SASH1: variants seen among roughly 807,000 people sequenced by gnomAD.
The protein encoded by SASH1 is SAM and SH3 domain containing 1, also known as SAM and SH3 domain-containing protein 1.
Under a neutral mutation model 125.2 loss-of-function variants are expected in SASH1, and 44 were observed. The ratio of observed to expected loss-of-function variants is 0.35; its 90% CI spans 0.28 to 0.45. The LOEUF (loss-of-function observed/expected upper bound fraction) is 0.45. Among genes scored for constraint, SASH1 ranks in the 20% least tolerant of loss-of-function variants. SASH1 has a pLI of 1.00. For missense variants in SASH1, 1,426 were observed against 1,614.5 expected (o/e 0.88, Z 2.00); for synonymous variants, 639 against 649.1 (o/e 0.98, Z 0.24).
chr6:148,276,406 G>A (rs1445386195), intron 1 of SASH1, among the ~76,000 whole-genome samples: 1 of 152,120 alleles, frequency 6.6e-6, no homozygotes, highest in Non-Finnish European at 1.5e-5. Flanking sequence ...TTCAGTTTGA[G>A]GCAGCATGTC....
At chr6:148,498,284 A>C (rs1779402525) in intron 8 of SASH1, among the ~76,000 whole-genome samples, 1 of 151,920 alleles carries the variant, frequency 6.6e-6, no homozygotes, top group Admixed American at 6.6e-5. Flanking sequence ...AGTAGTGTGC[A>C]TCTGTAGTCC....
At chr6:148,329,571 T>C (rs147586285) in intron 1 of SASH1, among the ~76,000 whole-genome samples, 218 of 152,330 alleles carry the variant, frequency 1.4e-3, no homozygotes, top group African/African-American at 4.7e-3. Flanking sequence ...CATTTATTTA[T>C]ATCTTCAATT....
intron 4 of SASH1, among the ~76,000 whole-genome samples, chr6:148,447,405 GT>G (rs1776846805): frequency 6.6e-6 from 1 of 152,172 alleles, no homozygotes; most frequent in African/African-American, 2.4e-5. Context: ...TCGCTCTCAG[GT>G]ATGTTTTATC....
intron 1 of SASH1, among the ~76,000 whole-genome samples, chr6:148,285,568 T>A (rs1779461163): frequency 6.6e-6 from 1 of 152,200 alleles, no homozygotes; most frequent in Non-Finnish European, 1.5e-5. Flanking sequence ...GTTTTGGTTT[T>A]TTTTTCCTCT....
At chr6:148,441,512 C>T (rs1776546854) in intron 4 of SASH1, among the ~76,000 whole-genome samples, 1 of 152,132 alleles carries the variant, frequency 6.6e-6, no homozygotes, top group Admixed American at 6.5e-5. Context: ...CTTGCCTCCT[C>T]CCAGGAACCT....
At chr6:148,313,930 T>C (rs1367735865) in intron 1 of SASH1, among the ~76,000 whole-genome samples, 1 of 152,212 alleles carries the variant, frequency 6.6e-6, no homozygotes, top group Non-Finnish European at 1.5e-5. Context: ...TTTGGTCAAC[T>C]TCAACAAGGA....
At position 148,531,558 on chromosome 6, in the gene SASH1, T is replaced by G; in HGVS notation, c.1461T>G (p.Pro487=). The G allele has an allele frequency of 6.4e-7, 1 of 1,563,066 alleles. No individual in the cohort carries two copies. Among genetic ancestry groups the G allele is most frequent in the East Asian group, 2.4e-5 (1 of 41,340 alleles). The change falls in exon 13 of 20, where the codon CCT becomes CCG. Residue 487 remains proline (P), a synonymous_variant. Transcript: ENST00000367467. Reference sequence around the variant, plus strand: ...GCCTTGATGGAATGCCTGGCTCCCCTCCGCCTTCACAGCCCGACCCCGAAC... The same window carrying G: ...GCCTTGATGGAATGCCTGGCTCCCCGCCGCCTTCACAGCCCGACCCCGAAC... ...DSGLDGMPGS[P]PPSQPDPEHL... is the part of the protein sequence containing the mutation.
chr6:148,483,771 A>G (rs568241214), intron 7 of SASH1, among the ~76,000 whole-genome samples: 2 of 152,262 alleles, frequency 1.3e-5, no homozygotes, highest in Admixed American at 6.5e-5. Flanking sequence ...TTATAAAGTC[A>G]TTAAGGTAAT....
Position 148,355,411 on chromosome 6 carries a change from A to G in SASH1, c.156+12188A>G, listed in dbSNP as rs566671652. Among the ~76,000 whole-genome samples, 10 of 152,138 alleles carry G rather than the reference A, an allele frequency of 6.6e-5. No individual in the cohort carries two copies. The East Asian group carries it at 1.9e-3, about 29-fold the overall frequency. On this transcript the variant is annotated intron_variant, in intron 1 of 19. Coordinates refer to ENST00000367467, the MANE Select transcript of SASH1 (RefSeq NM_015278.5). ...ATTTGCCTTGATTAGAGGATTGGGAAACTGAGACTTCATGATGAGCATTAA... is the reference window on the plus strand; with the variant it reads ...ATTTGCCTTGATTAGAGGATTGGGAGACTGAGACTTCATGATGAGCATTAA...
intron 1 of SASH1, among the ~76,000 whole-genome samples, chr6:148,326,331 T>TAC (rs1780801403): frequency 1.6e-5 from 1 of 62,786 alleles, no homozygotes; most frequent in East Asian, 6.5e-4. Flanking sequence ...TGCATATATA[T>TAC]ATATATATAT....
At chr6:148,337,128 G>A (rs758055222) in intron 1 of SASH1, among the ~76,000 whole-genome samples, 1 of 152,018 alleles carries the variant, frequency 6.6e-6, no homozygotes, top group Admixed American at 6.6e-5. Flanking sequence ...GTGCAATCTC[G>A]GCTCACTGCA....
chr6:148,301,281 G>A (rs371179964), intron 1 of SASH1, among the ~76,000 whole-genome samples: 4 of 145,360 alleles, frequency 2.8e-5, no homozygotes, highest in South Asian at 2.2e-4. Flanking sequence ...AGCCGAGATC[G>A]TGCCATTGCA....
At chr6:148,366,091 GGATA>G (rs1262891097) in intron 1 of SASH1, among the ~76,000 whole-genome samples, 1 of 151,556 alleles carries the variant, frequency 6.6e-6, no homozygotes, top group Non-Finnish European at 1.5e-5. Context: ...CCAGCCTGGG[GGATA>G]GAGTGAAACT....
chr6:148,307,076 CTTTCTTTCTTTCTT>C (rs1562316642), intron 1 of SASH1, among the ~76,000 whole-genome samples: 21 of 146,896 alleles, frequency 1.4e-4, no homozygotes, highest in African/African-American at 5.4e-4. Flanking sequence ...TTCTTTCTTT[CTTTCTTTCTTTCTT>C]TCTTTCTCTC....
intron 2 of SASH1, among the ~76,000 whole-genome samples, chr6:148,409,844 A>G (rs118131390): frequency 0.051 from 7,732 of 152,046 alleles, 248 homozygotes; most frequent in East Asian, 0.078. Context: ...TGAGTCAGGC[A>G]AATCGCTTGA....
At chr6:148,233,799 G>A in the SASH1 span, among the ~76,000 whole-genome samples, 1 of 143,938 alleles carries the variant, frequency 6.9e-6, no homozygotes, top group Non-Finnish European at 1.5e-5. Context: ...TGCATTCTTA[G>A]CTACATGGGA....
intron 8 of SASH1, among the ~76,000 whole-genome samples, chr6:148,489,884 G>A (rs1293792979): frequency 2.9e-5 from 4 of 136,232 alleles, no homozygotes; most frequent in Non-Finnish European, 6.5e-5. Context: ...GTGTGTGTGT[G>A]TGTATAGTGT....
intron 1 of SASH1, among the ~76,000 whole-genome samples, chr6:148,360,347 G>GTTTT (rs1191557477): frequency 8.0e-6 from 1 of 125,720 alleles, no homozygotes; most frequent in South Asian, 2.7e-4. Context: ...TAATGCCTTT[G>GTTTT]TTTTTTTTTT....
chr6:148,273,789 G>T (rs1033594064), intron 1 of SASH1, among the ~76,000 whole-genome samples: 4 of 152,310 alleles, frequency 2.6e-5, no homozygotes, highest in Admixed American at 1.3e-4. Context: ...TCTCAGGTGG[G>T]CTTCTGGAAG....
Sources: allele counts gnomAD v4.1 joint callset (sites outside exome capture counted in the v4.1 genomes callset), GRCh38; gene constraint gnomAD v4.1.1; transcripts MANE v1.5; gene names NCBI Gene and HGNC (gene_info 2026-07-23, HGNC 2026-07-21).